SBK1: variants seen among roughly 807,000 people sequenced by gnomAD.
SBK1 encodes the protein serine/threonine-protein kinase SBK1.
Under a neutral mutation model 24.4 loss-of-function variants are expected in SBK1, and 11 were observed. The ratio of observed to expected loss-of-function variants is 0.45; its 90% confidence interval spans 0.28 to 0.75. SBK1 has a LOEUF of 0.75. SBK1 is among the 30% of genes least tolerant of loss of function. The probability of loss-of-function intolerance (pLI) is 0.12; values close to 1 mark genes in which losing one functional copy is unlikely to be tolerated. For synonymous variants in SBK1, 308 were observed against 284.4 expected (o/e 1.08, Z -0.83); for missense variants, 467 against 620.5 (o/e 0.75, Z 2.63).
chr16:28,280,145 A>ATGTGTGTG (rs1292773760), intron 1 of SBK1, among the ~76,000 whole-genome samples: 5 of 55,290 alleles, frequency 9.0e-5, no homozygotes, highest in African/African-American at 2.6e-4. Flanking sequence ...ATATATATAT[A>ATGTGTGTG]TATATGTGTG....
At chr16:28,313,597 T>C (rs1364298588) in intron 1 of SBK1, among the ~76,000 whole-genome samples, 2 of 134,936 alleles carry the variant, frequency 1.5e-5, no homozygotes, top group African/African-American at 2.8e-5. Context: ...TACCCTGTCT[T>C]AAAAAAAAAA....
rs1431539064 is a variant in SBK1 at position 28,322,949 on chromosome 16, T to G, written c.*2028T>G. 1 of 134,346 alleles carries G rather than the reference T, an allele frequency of 7.4e-6. No individual in the cohort carries two copies. Among genetic ancestry groups the G allele is most frequent in the African/African-American group, 3.1e-5 (1 of 32,602 alleles). The allele number at this position is 134,346 out of a possible 1,614,324, so 8.3% of individuals were successfully genotyped here. On this transcript the variant is annotated 3_prime_UTR_variant, in exon 4 of 4. Coordinates refer to ENST00000341901, the MANE Select transcript of SBK1 (RefSeq NM_001024401.3). ...CTCTCTCCCTCTCTCTCTCTCTCTC[T>G]CTCTCTCTCTCTCTCTCTCTCTCTC...
rs987126777 is a variant in SBK1, at chr16:28,321,623, C to A, written c.*702C>A. The A allele has an allele frequency of 6.5e-6, 1 of 152,866 alleles. No homozygotes were observed. The highest frequency in any genetic ancestry group is 6.5e-5 in the Admixed American group (1 of 15,282). The allele number at this position is 152,866 out of a possible 1,614,324, so 9.5% of individuals were successfully genotyped here. A position where few individuals can be genotyped will look rare whatever the true frequency, so the allele number is the denominator to read the frequency against. On this transcript the variant is annotated 3_prime_UTR_variant, in exon 4 of 4. Coordinates refer to ENST00000341901, the MANE Select transcript of SBK1 (RefSeq NM_001024401.3). ...CCGAGAAGCTAGTGACTCCTGCACA[C>A]CCCCATTGCACAAATGAAATCACAG...
At chr16:28,289,885 A>G (rs1332977628), upstream of SBK1, among the ~76,000 whole-genome samples, 1 of 152,172 alleles carries the variant, frequency 6.6e-6, no homozygotes, top group Non-Finnish European at 1.5e-5. Context: ...CAGGAGTTCA[A>G]GACCAGCCTG....
Position 28,259,394 on chromosome 16 carries a change from C to G in SBK1, c.149C>G (p.Pro50Arg), listed in dbSNP as rs896476767. 3.3e-5 allele frequency: 32 copies of G among 977,182 alleles called. No homozygotes were observed. The highest frequency in any genetic ancestry group is 3.8e-5 in the Non-Finnish European group (31 of 822,412). The allele number at this position is 977,182 out of a possible 1,614,324, so 60.5% of individuals were successfully genotyped here. ...CACCCCTGCCCTGTCCTGGAGCTGC[C>G]TCCGGCCTGGCCCATGGGCTGCGGA... Residue 50 changes from proline to arginine, a missense_variant, in exon 1 of 4, where the codon CCT (proline) becomes CGT (arginine). Transcript: ENST00000671413. This position sits in a 1 kb window ranked among gnomAD's most constrained non-coding sequence, Gnocchi z 6.0.
intron 1 of SBK1, among the ~76,000 whole-genome samples, chr16:28,297,807 G>C (rs1206201117): frequency 6.6e-6 from 1 of 152,188 alleles, no homozygotes; most frequent in East Asian, 1.9e-4. Context: ...AGCTGGTCTA[G>C]GGAGGCAGAG....
chr16:28,267,072 A>AT (rs111632036), intron 1 of SBK1, among the ~76,000 whole-genome samples: 2,354 of 151,562 alleles, frequency 0.016, 63 homozygotes, highest in African/African-American at 0.054. Context: ...ACACCTGGCT[A>AT]TTTTTTTTAT....
chr16:28,291,501 G>A (rs1384502007), upstream of SBK1: 1 of 151,606 alleles, frequency 6.6e-6, no homozygotes, highest in African/African-American at 2.4e-5. Context: ...AAAACTTAAA[G>A]TATAATAATA....
At position 28,282,907 on chromosome 16, in the gene SBK1, TTTTATTTA is replaced by T. The variant is rs10609962; in HGVS notation, c.257+23421_257+23428del. On this transcript the variant is annotated intron_variant, in intron 1 of 3. Coordinates refer to the SBK1 transcript ENST00000671413. Reference sequence around the variant, plus strand: ...AGACGGTGTTTAATTACTCTCGCATTTTTATTTATTTATTTATTTATTTGTTTGTTTGT... The same window carrying T: ...AGACGGTGTTTAATTACTCTCGCATTTTTATTTATTTATTTGTTTGTTTGT... Among the ~76,000 whole-genome samples the T allele has an allele frequency of 7.0e-3, 1,048 of 150,086 alleles. 11 individuals carry two copies. Among genetic ancestry groups the T allele is most frequent in the South Asian group, 0.019 (90 of 4,728 alleles).
chr16:28,288,834 C>T, upstream of SBK1, among the ~76,000 whole-genome samples: 1 of 152,192 alleles, frequency 6.6e-6, no homozygotes, highest in East Asian at 1.9e-4. Flanking sequence ...CAGCCCCGGC[C>T]ACAGCTTAAA....
At chr16:28,309,083 C>T (rs776319998) in intron 1 of SBK1, among the ~76,000 whole-genome samples, 11 of 152,124 alleles carry the variant, frequency 7.2e-5, no homozygotes, top group African/African-American at 1.4e-4. Context: ...ACAATGCAGA[C>T]GGGCAATCCT....
chr16:28,305,221 T>C (rs906205389), intron 1 of SBK1, among the ~76,000 whole-genome samples: 12 of 151,872 alleles, frequency 7.9e-5, no homozygotes, highest in African/African-American at 2.7e-4. Flanking sequence ...TTCTTTCTTT[T>C]CTTTTTTTAG....
intron 1 of SBK1, among the ~76,000 whole-genome samples, chr16:28,270,504 C>T (rs2044458438): frequency 6.6e-6 from 1 of 151,932 alleles, no homozygotes; most frequent in Non-Finnish European, 1.5e-5. Flanking sequence ...TGTCTCACTG[C>T]AGTCTCAACC....
At chr16:28,295,853 C>T (rs1006720403) in intron 1 of SBK1, among the ~76,000 whole-genome samples, 4 of 151,954 alleles carry the variant, frequency 2.6e-5, no homozygotes, top group Middle Eastern at 3.4e-3. Context: ...CCCAGGCAGC[C>T]GTTCGCTCCC....
intron 1 of SBK1, among the ~76,000 whole-genome samples, chr16:28,309,506 C>T (rs1176121369): frequency 1.3e-5 from 2 of 152,202 alleles, no homozygotes; most frequent in African/African-American, 4.8e-5. Flanking sequence ...GTGGCGATGA[C>T]TGCACAGCCC....
upstream of SBK1, among the ~76,000 whole-genome samples, chr16:28,289,130 C>A (rs980678482): frequency 6.6e-6 from 1 of 152,168 alleles, no homozygotes; most frequent in Admixed American, 6.5e-5. Context: ...CTGTTTCTTC[C>A]TCTGCAAAAA....
Position 28,319,633 on chromosome 16 carries a change from CCTT to C in SBK1, c.430-439_430-437del, listed in dbSNP as rs1254204120. Among the ~76,000 whole-genome samples the C allele has an allele frequency of 4.1e-5, 6 of 146,320 alleles. No homozygotes were observed. Among genetic ancestry groups the C allele is most frequent in the Non-Finnish European group, 7.8e-5 (5 of 63,832 alleles). ...TGATGAGACCTTCGGAGCAGGTCCTCCTTCTTTGCTGAGCACCTACTACATGCC... is the reference window on the plus strand; with the variant it reads ...TGATGAGACCTTCGGAGCAGGTCCTCCTTTGCTGAGCACCTACTACATGCC... On this transcript the variant is annotated intron_variant, in intron 3 of 3. Transcript: ENST00000341901. The surrounding 1 kb of genome is among the most constrained non-coding windows in gnomAD (Gnocchi z 4.0).
intron 1 of SBK1, among the ~76,000 whole-genome samples, chr16:28,304,426 C>T (rs543577942): frequency 6.6e-6 from 1 of 152,036 alleles, no homozygotes; most frequent in African/African-American, 2.4e-5. Flanking sequence ...AGCAGTGGGA[C>T]GTTCAGGGTT....
chr16:28,309,685 C>G (rs959784363), intron 1 of SBK1, among the ~76,000 whole-genome samples: 3 of 152,102 alleles, frequency 2.0e-5, no homozygotes, highest in African/African-American at 7.2e-5. Flanking sequence ...TCATTTGAGC[C>G]TGGGGGTTCA....
Sources: gnomAD v4.1 joint callset for allele counts (sites outside exome capture counted in the v4.1 genomes callset) on GRCh38, gnomAD v4.1.1 for gene constraint, Gnocchi (gnomAD v3.1) non-coding constraint, MANE v1.5 for transcripts, NCBI Gene and HGNC (gene_info 2026-07-23, HGNC 2026-07-21) for gene names.